The following DGKH variants were observed in gnomAD, a reference collection of about 807,000 sequenced individuals.
DGKH encodes the protein DAG kinase eta.
DGKH carries 90 observed loss-of-function variants against 159.3 expected under a neutral mutation model. The ratio of observed to expected loss-of-function variants is 0.57; its 90% CI spans 0.48 to 0.67. The LOEUF is 0.67. Ranked by LOEUF, DGKH falls within the 30% of genes least tolerant of loss-of-function variation. The pLI is 0.00. For synonymous variants in DGKH, 536 were observed against 553.8 expected (o/e 0.97, Z 0.45); for missense variants, 1,181 against 1,506.1 (o/e 0.78, Z 3.57).
intron 7 of DGKH, among the ~76,000 whole-genome samples, chr13:42,161,869 T>C (rs1367667660): frequency 2.0e-5 from 3 of 152,192 alleles, no homozygotes; most frequent in Non-Finnish European, 4.4e-5. Context: ...TTTTTTTCCC[T>C]GCAATTTGTA....
At position 42,170,874 on chromosome 13, in the gene DGKH, C is replaced by T. The variant is rs188062608; in HGVS notation, c.1367+2056C>T. ...AGGAGAATCGCTTGAACCCGGGAGG[C>T]GGAGGTTGCAGTGAGCCAAGATCAT... On this transcript the variant is annotated intron_variant, in intron 11 of 29. Coordinates refer to ENST00000337343, the MANE Select transcript of DGKH (RefSeq NM_178009.5). 2.9e-3 allele frequency among the ~76,000 whole-genome samples: 431 copies of T among 149,182 alleles called. 2 individuals are homozygous for T. Among genetic ancestry groups the T allele is most frequent in the African/African-American group, 9.6e-3 (389 of 40,506 alleles).
chr13:42,159,355 A>G lies in DGKH; in HGVS notation c.712A>G (p.Ile238Val), dbSNP rs1046455476. 3.1e-6 allele frequency: 5 copies of G among 1,604,256 alleles called. No individual in the cohort carries two copies. Among genetic ancestry groups the G allele is most frequent in the South Asian group, 1.1e-5 (1 of 90,842 alleles). ...CCTGGCCTCCATCGGGAAGGACATT[A>G]TAGAAGATGAAGATGGCGTAAGCTG... Reference protein sequence around the residue: ...TTLASIGKDIIEDEDGVAMPH... With the variant: ...TTLASIGKDIVEDEDGVAMPH... The change falls in exon 6 of 30, where the codon ATA becomes GTA. Residue 238 changes from isoleucine to valine, a missense_variant. By Grantham distance (29) the Ile-to-Val change is conservative. Coordinates refer to ENST00000337343, the MANE Select transcript of DGKH (RefSeq NM_178009.5).
At chr13:42,084,615 T>A (rs35208748) in intron 1 of DGKH, among the ~76,000 whole-genome samples, 22,737 of 152,180 alleles carry the variant, frequency 0.15, 2,398 homozygotes, top group East Asian at 0.45. Context: ...AAAATAACTT[T>A]GATGGCTATG....
At chr13:42,217,535 G>A (rs1281797280) in intron 26 of DGKH, among the ~76,000 whole-genome samples, 1 of 151,568 alleles carries the variant, frequency 6.6e-6, no homozygotes, top group African/African-American at 2.4e-5. Context: ...GAGCCACTGC[G>A]CCCAGCCAAG....
At chr13:42,134,676 C>A (rs1333094965) in intron 3 of DGKH, among the ~76,000 whole-genome samples, 2 of 151,880 alleles carry the variant, frequency 1.3e-5, no homozygotes, top group Non-Finnish European at 2.9e-5. Context: ...TTGAAGCCAG[C>A]CTGGCCAACA....
intron 13 of DGKH, among the ~76,000 whole-genome samples, chr13:42,179,473 T>G (rs1307281464): frequency 6.6e-6 from 1 of 152,206 alleles, no homozygotes; most frequent in African/African-American, 2.4e-5. Flanking sequence ...ATTGGAATTC[T>G]GTGTAAGATT....
intron 1 of DGKH, among the ~76,000 whole-genome samples, chr13:42,067,856 A>T (rs182821029): frequency 8.0e-4 from 122 of 152,302 alleles, no homozygotes; most frequent in Admixed American, 1.9e-3. Context: ...AATTTTATTC[A>T]TGCTTGCCTT....
intron 1 of DGKH, among the ~76,000 whole-genome samples, chr13:42,083,067 G>T (rs1010889346): frequency 6.6e-6 from 1 of 152,210 alleles, no homozygotes; most frequent in South Asian, 2.1e-4. Context: ...TAGAGTAACA[G>T]TAGTAACTGA....
chr13:42,191,449 A>T (rs1295860947), intron 16 of DGKH, among the ~76,000 whole-genome samples: 2 of 152,206 alleles, frequency 1.3e-5, no homozygotes, highest in Admixed American at 6.5e-5. Flanking sequence ...CGCATCACTC[A>T]ATATACTCAG....
intron 1 of DGKH, among the ~76,000 whole-genome samples, chr13:42,054,776 G>A (rs1372401135): frequency 6.6e-6 from 1 of 152,026 alleles, no homozygotes; most frequent in Non-Finnish European, 1.5e-5. Flanking sequence ...GTGAGGTGAT[G>A]GATATATTAA....
chr13:42,197,875 CAGTT>C (rs1355112913), intron 17 of DGKH, among the ~76,000 whole-genome samples: 1 of 152,094 alleles, frequency 6.6e-6, no homozygotes, highest in Non-Finnish European at 1.5e-5. Context: ...AATACTGTAA[CAGTT>C]AGAAAACTAG....
Position 42,229,346 on chromosome 13 carries a change from A to C in DGKH, c.*158A>C. 1.6e-6 allele frequency: 1 copy of C among 615,052 alleles called. No individual in the cohort carries two copies. Among genetic ancestry groups the C allele is most frequent in the Non-Finnish European group, 2.7e-6 (1 of 366,168 alleles). The allele number at this position is 615,052 out of a possible 1,614,324, so 38.1% of individuals were successfully genotyped here. A position where few individuals can be genotyped will look rare whatever the true frequency, so the allele number is the denominator to read the frequency against. On this transcript the variant is annotated 3_prime_UTR_variant, in exon 30 of 30. Transcript: ENST00000337343. The stretch of plus-strand genomic sequence containing the variant: ...TTGCTGTGGGTGAAATTTTGATTTG[A>C]GGTATTAGAAAATATTTTTGTGCCG...
At chr13:42,204,704 G>C (rs1232462139) in intron 20 of DGKH, among the ~76,000 whole-genome samples, 1 of 152,212 alleles carries the variant, frequency 6.6e-6, no homozygotes, top group Non-Finnish European at 1.5e-5. Context: ...TCTTGGACCA[G>C]CTGTAACAAT....
chr13:42,168,893 A>C, intron 11 of DGKH, 75 bp downstream of exon 11: 1 of 1,424,740 alleles, frequency 7.0e-7, no homozygotes, highest in Non-Finnish European at 9.3e-7. Context: ...TTTCTTAATA[A>C]ATATTTATTA....
chr13:42,098,777 G>A (rs1285301685), intron 1 of DGKH, among the ~76,000 whole-genome samples: 1 of 152,182 alleles, frequency 6.6e-6, no homozygotes, highest in Non-Finnish European at 1.5e-5. Flanking sequence ...AACTGTTTGA[G>A]TGCATCTTTG....
chr13:42,197,267 A>AAAAAAAAAG (rs922365530), intron 17 of DGKH, among the ~76,000 whole-genome samples: 4 of 135,322 alleles, frequency 3.0e-5, no homozygotes, highest in South Asian at 2.5e-4. Flanking sequence ...AAAAAAAAAA[A>AAAAAAAAAG]AAAGAAAGAA....
At chr13:42,051,278 T>C (rs1881278727) in intron 1 of DGKH, among the ~76,000 whole-genome samples, 2 of 152,176 alleles carry the variant, frequency 1.3e-5, no homozygotes, top group Admixed American at 1.3e-4. Context: ...TATGTTAGAG[T>C]GCATGTAAGT....
intron 4 of DGKH, 108 bp downstream of exon 4, chr13:42,155,503 C>T: frequency 6.7e-7 from 1 of 1,486,744 alleles, no homozygotes; most frequent in Non-Finnish European, 9.3e-7. Context: ...CATTCAGCAA[C>T]TTGTTTAAAC....
chr13:42,194,451 C>T (rs1594183964), intron 16 of DGKH, among the ~76,000 whole-genome samples: 1 of 152,182 alleles, frequency 6.6e-6, no homozygotes, highest in Admixed American at 6.5e-5. Flanking sequence ...TTATTGAAGA[C>T]AATGTTAAAT....
Sources: allele counts gnomAD v4.1 joint callset (sites outside exome capture counted in the v4.1 genomes callset), GRCh38; gene constraint gnomAD v4.1.1; transcripts MANE v1.5; gene names NCBI Gene and HGNC (gene_info 2026-07-23, HGNC 2026-07-21).